Variants in GNAO1 observed in about 807,000 individuals in gnomAD.
GNAO1 encodes the protein G protein subunit alpha o1.
For missense variants in GNAO1, 166 were observed against 478.7 expected (o/e 0.35, Z 6.10); for synonymous variants, 164 against 180.7 (o/e 0.91, Z 0.74).
intron 2 of GNAO1, among the ~76,000 whole-genome samples, chr16:56,236,981 G>C (rs922680175): frequency 6.6e-6 from 1 of 152,238 alleles, no homozygotes; most frequent in African/African-American, 2.4e-5. Context: ...TAATTTATCT[G>C]TGCCTCAGTA....
At position 56,275,979 on chromosome 16, in the gene GNAO1, G is replaced by A. The variant is rs896696411; in HGVS notation, c.210G>A (p.Lys70=). 7 of 1,613,770 alleles carry A rather than the reference G, an allele frequency of 4.3e-6. No individual in the cohort carries two copies. The highest frequency in any genetic ancestry group is 5.9e-6 in the Non-Finnish European group (7 of 1,179,748). Residue 70 remains lysine (K), a synonymous_variant, in exon 3 of 9, where the codon AAG becomes AAA. Transcript: ENST00000262493. ...GFSGEDVKQY[K]PVVYSNTIQS... ...CCGGAGAAGACGTGAAACAGTACAA[G>A]CCTGTTGTCTACAGCAACACTATCC...
At chr16:56,221,708 A>C (rs1411819442) in intron 2 of GNAO1, among the ~76,000 whole-genome samples, 18 of 151,194 alleles carry the variant, frequency 1.2e-4, no homozygotes, top group African/African-American at 3.9e-4. Flanking sequence ...ATGAAATTAT[A>C]GTCTTGTTCT....
chr16:56,288,030 C>G (rs1170669450), intron 3 of GNAO1, among the ~76,000 whole-genome samples: 5 of 152,182 alleles, frequency 3.3e-5, no homozygotes, highest in African/African-American at 1.2e-4. Context: ...TGCTCCATTC[C>G]TTTTCATTAG....
chr16:56,195,999 A>G (rs1348007615), intron 2 of GNAO1, among the ~76,000 whole-genome samples: 2 of 152,180 alleles, frequency 1.3e-5, no homozygotes, highest in Non-Finnish European at 2.9e-5. Context: ...AGATACTGAC[A>G]TAAAGTTCTT....
chr16:56,197,065 G>T (rs1170313472), intron 2 of GNAO1, among the ~76,000 whole-genome samples: 10 of 152,316 alleles, frequency 6.6e-5, no homozygotes, highest in African/African-American at 2.4e-4. Flanking sequence ...TAGCCAAAAG[G>T]CTGAGAAGCA....
At chr16:56,297,868 G>C (rs527991559) in intron 3 of GNAO1, among the ~76,000 whole-genome samples, 1 of 152,018 alleles carries the variant, frequency 6.6e-6, no homozygotes, top group African/African-American at 2.4e-5. Flanking sequence ...AGAACTAGAC[G>C]ATTAAAAAAA....
intron 7 of GNAO1, chr16:56,353,418 C>T (rs1487980170): frequency 2.0e-5 from 3 of 152,294 alleles, no homozygotes; most frequent in Non-Finnish European, 4.4e-5. Flanking sequence ...CAGAGGAATC[C>T]AGTTTGAATT....
intron 2 of GNAO1, among the ~76,000 whole-genome samples, chr16:56,256,718 C>G (rs11646000): frequency 0.16 from 11,397 of 71,530 alleles, 507 homozygotes; most frequent in Non-Finnish European, 0.2. Flanking sequence ...CTCTCTCTCT[C>G]TGTGTGTGTG....
chr16:56,331,496 G>A (rs1263964650), intron 4 of GNAO1, among the ~76,000 whole-genome samples: 1 of 152,080 alleles, frequency 6.6e-6, no homozygotes, highest in African/African-American at 2.4e-5. Context: ...TCCTATCCTG[G>A]GGGCTGCTCC....
rs1333208231 is a variant in GNAO1, at chr16:56,249,489, AGGCTGTTCTGTGGACAACT to A, written c.162-26438_162-26420del. Among the ~76,000 whole-genome samples the A allele has an allele frequency of 9.2e-5, 14 of 152,194 alleles. No individual in the cohort carries two copies. In the East Asian group the frequency reaches 2.7e-3, roughly 29 times the overall value. On this transcript the variant is annotated intron_variant, in intron 2 of 8. Transcript: ENST00000262493. The stretch of plus-strand genomic sequence containing the variant: ...GGAGGGGAGAGGAGTGCTGGGGAGG[AGGCTGTTCTGTGGACAACT>A]GGCATGATCAGGGAAAGCACCAAGG...
intron 1 of GNAO1, 31 bp from the exon 2 acceptor site, chr16:56,192,543 C>T: frequency 6.6e-7 from 1 of 1,507,198 alleles, no homozygotes; most frequent in Non-Finnish European, 9.2e-7. Context: ...TGACACTCAC[C>T]AGTTTTTCCC....
At chr16:56,233,401 A>G (rs1322041791) in intron 2 of GNAO1, among the ~76,000 whole-genome samples, 1 of 152,218 alleles carries the variant, frequency 6.6e-6, no homozygotes, top group African/African-American at 2.4e-5. Context: ...ATGGAGAGCA[A>G]TACACGTTTC....
chr16:56,192,870 G>A (rs1368770222), intron 2 of GNAO1: 1 of 529,242 alleles, frequency 1.9e-6, no homozygotes, highest in Non-Finnish European at 3.4e-6. Flanking sequence ...ATGAATGACA[G>A]TGTCCGCCAT....
At chr16:56,206,247 T>C (rs1463218473) in intron 2 of GNAO1, among the ~76,000 whole-genome samples, 1 of 146,916 alleles carries the variant, frequency 6.8e-6, no homozygotes, top group African/African-American at 2.5e-5. Context: ...TTGAACCCGG[T>C]AGGCAGAGGT....
At chr16:56,213,835 A>G (rs1171859934) in intron 2 of GNAO1, among the ~76,000 whole-genome samples, 2 of 113,410 alleles carry the variant, frequency 1.8e-5, no homozygotes, top group African/African-American at 8.9e-5. Flanking sequence ...TGGAGTCACA[A>G]AAAAAAACTG....
chr16:56,328,102 G>A (rs534616885), intron 3 of GNAO1, among the ~76,000 whole-genome samples: 9 of 152,260 alleles, frequency 5.9e-5, no homozygotes, highest in Admixed American at 3.9e-4. Context: ...TCAGCTAACC[G>A]GAATTCTCTA....
At chr16:56,325,887 G>A (rs2037627327) in intron 3 of GNAO1, among the ~76,000 whole-genome samples, 1 of 152,174 alleles carries the variant, frequency 6.6e-6, no homozygotes, top group Non-Finnish European at 1.5e-5. Flanking sequence ...GTTGGGGGAC[G>A]CTTGTCTCAG....
chr16:56,256,663 T>C (rs533532266), intron 2 of GNAO1, among the ~76,000 whole-genome samples: 2 of 152,014 alleles, frequency 1.3e-5, no homozygotes, highest in South Asian at 2.1e-4. Flanking sequence ...CAACTGAGAC[T>C]GGAGGTCAGT....
intron 2 of GNAO1, among the ~76,000 whole-genome samples, chr16:56,199,810 C>T (rs1367394068): frequency 6.6e-6 from 1 of 152,162 alleles, no homozygotes; most frequent in Non-Finnish European, 1.5e-5. Flanking sequence ...GCTGAGCCAT[C>T]TTTAGTTCTA....
Sources: allele counts gnomAD v4.1 joint callset (sites outside exome capture counted in the v4.1 genomes callset), GRCh38; gene constraint gnomAD v4.1.1; transcripts MANE v1.5; gene names NCBI Gene and HGNC (gene_info 2026-07-23, HGNC 2026-07-21).